DKK3: variants seen among roughly 807,000 people sequenced by gnomAD.
DKK3 encodes dickkopf-related protein 3.
A neutral mutation model predicts 33.2 loss-of-function variants in DKK3; 22 were observed. The observed-to-expected ratio is 0.66, with a 90% CI of 0.47 to 0.95. The LOEUF is 0.95. Among genes scored for constraint, DKK3 ranks in the 40% least tolerant of loss-of-function variants. The pLI is 0.00. For synonymous variants in DKK3, 194 were observed against 188.8 expected, an observed-to-expected ratio of 1.03 and a Z score of -0.23; for missense variants, 398 against 458.4, an observed-to-expected ratio of 0.87 and a Z score of 1.20.
At chr11:11,989,420 A>C (rs1337631419) in intron 3 of DKK3, among the ~76,000 whole-genome samples, 1 of 152,214 alleles carries the variant, frequency 6.6e-6, no homozygotes, top group Non-Finnish European at 1.5e-5. Flanking sequence ...AAAAGGAATG[A>C]GACTCTGATA....
chr11:11,983,805 T>C (rs986181897), intron 3 of DKK3, among the ~76,000 whole-genome samples: 4 of 152,228 alleles, frequency 2.6e-5, no homozygotes, highest in Non-Finnish European at 5.9e-5. Flanking sequence ...AGGCCCAGCA[T>C]TTTCCAGACC....
At chr11:12,001,156 A>C (rs551320757) in intron 2 of DKK3, among the ~76,000 whole-genome samples, 374 of 152,378 alleles carry the variant, frequency 2.5e-3, no homozygotes, top group South Asian at 3.5e-3. Flanking sequence ...TATTGTCAGA[A>C]AGGGTGACTT....
chr11:11,977,078 A>G (rs749414333), intron 3 of DKK3, among the ~76,000 whole-genome samples: 1 of 152,052 alleles, frequency 6.6e-6, no homozygotes, highest in Non-Finnish European at 1.5e-5. Context: ...TAAAGTGCCA[A>G]TGTCTGCAAA....
At chr11:11,966,900 G>A in intron 5 of DKK3, 54 bp downstream of exon 5, 2 of 1,597,508 alleles carry the variant, frequency 1.3e-6, no homozygotes, top group Non-Finnish European at 1.7e-6. Context: ...AGGAGGTCCA[G>A]TGTGGTGGAG....
rs114095001 is a variant in DKK3, at chr11:11,997,817, C to T, written c.435+879G>A. 1.9e-3 allele frequency among the ~76,000 whole-genome samples: 291 copies of T among 152,338 alleles called. 3 individuals are homozygous for T. In the South Asian group the frequency reaches 0.025, roughly 13 times the overall value. Reference sequence around the variant, plus strand: ...CAGCTACTAACCAAGACAACACCACCTTCCTAACTGTCATCCATACACTGG... The same window carrying T: ...CAGCTACTAACCAAGACAACACCACTTTCCTAACTGTCATCCATACACTGG... On this transcript the variant is annotated intron_variant, in intron 3 of 6. Transcript: ENST00000683431.
chr11:11,969,423 A>T (rs1847676587), intron 3 of DKK3, among the ~76,000 whole-genome samples: 1 of 152,150 alleles, frequency 6.6e-6, no homozygotes, highest in African/African-American at 2.4e-5. Flanking sequence ...GGAGGCAGGT[A>T]GGGACTGCCT....
intron 1 of DKK3, among the ~76,000 whole-genome samples, chr11:12,007,665 T>C (rs1009200532): frequency 2.0e-5 from 3 of 152,218 alleles, no homozygotes; most frequent in African/African-American, 7.2e-5. Flanking sequence ...ATATGACATT[T>C]AGTTTTCACA....
At chr11:12,000,925 TTTTACAG>T (rs2133328077) in intron 2 of DKK3, among the ~76,000 whole-genome samples, 1 of 152,332 alleles carries the variant, frequency 6.6e-6, no homozygotes, top group South Asian at 2.1e-4. Flanking sequence ...TTGCATTGCA[TTTTACAG>T]TTTACAATGA....
intron 3 of DKK3, among the ~76,000 whole-genome samples, chr11:11,987,079 C>CT (rs1348891592): frequency 1.8e-4 from 27 of 152,206 alleles, no homozygotes; most frequent in Non-Finnish European, 5.9e-5. Context: ...TACTCAACCC[C>CT]TATCCATGTC....
chr11:11,990,673 C>A (rs1007333744), intron 3 of DKK3, among the ~76,000 whole-genome samples: 1 of 152,224 alleles, frequency 6.6e-6, no homozygotes, highest in Non-Finnish European at 1.5e-5. Flanking sequence ...GCCTCTCCCC[C>A]AGCTTTACTT....
intron 3 of DKK3, among the ~76,000 whole-genome samples, chr11:11,997,076 C>T (rs1848311634): frequency 6.6e-6 from 1 of 152,236 alleles, no homozygotes; most frequent in Non-Finnish European, 1.5e-5. Context: ...CTGGACACAG[C>T]TGCCTCGTTG....
In DKK3 at chr11:11,967,031, G is replaced by A; in HGVS notation, c.596C>T (p.Ala199Val). ...LCVWGHCTKMATRGSNGTICD... is the reference protein window; with the variant it reads ...LCVWGHCTKMVTRGSNGTICD... ...GATGGTCCCATTGCTGCCCCTGGTG[G>A]CCATTTTGGTGCAGTGACCCCAGAC... The change falls in exon 5 of 7, where the codon GCC becomes GTC. Residue 199 changes from alanine (A) to valine (V), a missense_variant. Physicochemically the swap from Ala to Val is moderately conservative, Grantham distance 64 (BLOSUM62 0). Coordinates refer to ENST00000683431, the MANE Select transcript of DKK3 (RefSeq NM_001018057.2). 1 of 1,614,028 alleles carries A rather than the reference G, an allele frequency of 6.2e-7. No homozygotes were observed. Among genetic ancestry groups the A allele is most frequent in the Non-Finnish European group, 8.5e-7 (1 of 1,180,026 alleles).
chr11:11,992,512 G>A (rs1001801960), intron 3 of DKK3, among the ~76,000 whole-genome samples: 10 of 152,090 alleles, frequency 6.6e-5, no homozygotes, highest in African/African-American at 2.2e-4. Flanking sequence ...CCCATCAGCC[G>A]CCTCACATAG....
chr11:12,009,183 C>G, upstream of DKK3: 1 of 985,310 alleles, frequency 1.0e-6, no homozygotes, highest in Non-Finnish European at 1.2e-6. Flanking sequence ...CCGACTGGAC[C>G]GAGTTGCGCT....
chr11:11,998,485 T>TGAGG, intron 3 of DKK3: 1 of 622,862 alleles, frequency 1.6e-6, no homozygotes, highest in Non-Finnish European at 2.9e-6. Context: ...ATTTATCTGT[T>TGAGG]GTTTCTGATG....
chr11:12,009,313 G>T, upstream of DKK3: 3 of 982,318 alleles, frequency 3.1e-6, no homozygotes, highest in African/African-American at 1.8e-5. Flanking sequence ...CGGCAGCGCC[G>T]GTACCCGAGG....
chr11:12,009,217 C>T (rs1250265525), upstream of DKK3: 1 of 985,204 alleles, frequency 1.0e-6, no homozygotes, highest in African/African-American at 1.7e-5. Flanking sequence ...GATCTGCTCG[C>T]TCCCGCCGGG....
intron 3 of DKK3, among the ~76,000 whole-genome samples, chr11:11,971,857 G>A (rs924016006): frequency 3.9e-5 from 6 of 152,072 alleles, no homozygotes; most frequent in Non-Finnish European, 7.4e-5. Context: ...ATGGAACTTT[G>A]CCAAAAACCT....
intron 3 of DKK3, among the ~76,000 whole-genome samples, chr11:11,980,291 G>A (rs1476144707): frequency 1.3e-5 from 2 of 152,356 alleles, no homozygotes; most frequent in East Asian, 3.9e-4. Context: ...TCAGAATTTA[G>A]TTAGCAAGAT....
Sources: allele counts gnomAD v4.1 joint callset (sites outside exome capture counted in the v4.1 genomes callset), GRCh38; gene constraint gnomAD v4.1.1; transcripts MANE v1.5; gene names NCBI Gene and HGNC (gene_info 2026-07-23, HGNC 2026-07-21).